BICC1: variants seen among roughly 807,000 people sequenced by gnomAD.
BICC1 encodes protein bicaudal C homolog 1.
Under a neutral mutation model 111.0 loss-of-function variants are expected in BICC1, and 43 were observed. The ratio of observed to expected loss-of-function variants is 0.39; its 90% CI spans 0.30 to 0.50. The LOEUF (loss-of-function observed/expected upper bound fraction) is 0.50, where lower values mean the gene tolerates loss of function less well. Ranked by LOEUF, BICC1 falls within the 20% of genes least tolerant of loss-of-function variation. The pLI, the probability that BICC1 is intolerant of heterozygous loss-of-function variation, is 0.88. For synonymous variants in BICC1, 467 were observed against 434.4 expected (o/e 1.07, Z -0.93); for missense variants, 1,091 against 1,203.2 (o/e 0.91, Z 1.38).
At chr10:58,553,964 G>C (rs1843370998) in intron 1 of BICC1, among the ~76,000 whole-genome samples, 1 of 152,008 alleles carries the variant, frequency 6.6e-6, no homozygotes, top group African/African-American at 2.4e-5. Flanking sequence ...GTGACTTATA[G>C]AACTAAAAAC....
chr10:58,527,548 G>C (rs1225755141), intron 1 of BICC1, among the ~76,000 whole-genome samples: 1 of 152,076 alleles, frequency 6.6e-6, no homozygotes, highest in Non-Finnish European at 1.5e-5. Context: ...GGCTTTTTAT[G>C]GTTTTAGGTC....
At position 58,676,935 on chromosome 10, in the gene BICC1, C is replaced by T. The variant is rs563682572; in HGVS notation, c.238-25139C>T. Among the ~76,000 whole-genome samples the T allele has an allele frequency of 2.6e-5, 4 of 152,308 alleles. No homozygotes were observed. In the South Asian group the frequency reaches 8.3e-4, roughly 32 times the overall value. The stretch of plus-strand genomic sequence containing the variant: ...GTCTGCAGTGGACCTCCAGCAAACA[C>T]CAGCAGGCCTGCAGAAGAGGGGCCT... On this transcript the variant is annotated intron_variant, in intron 2 of 20. Transcript: ENST00000373886.
intron 2 of BICC1, among the ~76,000 whole-genome samples, chr10:58,699,446 A>G (rs1840163795): frequency 6.6e-6 from 1 of 152,194 alleles, no homozygotes; most frequent in Non-Finnish European, 1.5e-5. Flanking sequence ...GTGCTTAATA[A>G]AATAAGTGTA....
At chr10:58,539,125 C>T (rs747371994) in intron 1 of BICC1, among the ~76,000 whole-genome samples, 6 of 151,490 alleles carry the variant, frequency 4.0e-5, no homozygotes, top group Non-Finnish European at 5.9e-5. Flanking sequence ...TGTAATGATA[C>T]GGAATCAACC....
chr10:58,735,169 C>T (rs935427837), intron 3 of BICC1, among the ~76,000 whole-genome samples: 1 of 152,202 alleles, frequency 6.6e-6, no homozygotes, highest in Non-Finnish European at 1.5e-5. Context: ...CATGTGTTAT[C>T]TATGATGTGA....
chr10:58,652,098 G>C (rs146838441), intron 2 of BICC1, among the ~76,000 whole-genome samples: 46 of 152,254 alleles, frequency 3.0e-4, no homozygotes, highest in African/African-American at 1.1e-3. Flanking sequence ...TGAGAAGCAA[G>C]AGACCTATTA....
At chr10:58,512,597 G>T, upstream of BICC1, among the ~76,000 whole-genome samples, 1 of 152,104 alleles carries the variant, frequency 6.6e-6, no homozygotes, top group Non-Finnish European at 1.5e-5. Flanking sequence ...GTGTAGACAG[G>T]AATTACGTGG....
chr10:58,737,871 C>T (rs184049978), intron 3 of BICC1, among the ~76,000 whole-genome samples: 11 of 152,266 alleles, frequency 7.2e-5, no homozygotes, highest in Non-Finnish European at 1.5e-5. Context: ...TGTCTTTTGG[C>T]TGCATAAATG....
At chr10:58,591,054 A>G (rs1209132911) in intron 1 of BICC1, among the ~76,000 whole-genome samples, 1 of 152,028 alleles carries the variant, frequency 6.6e-6, no homozygotes, top group Non-Finnish European at 1.5e-5. Context: ...TGGGAAATAG[A>G]CCTTCATTAG....
intron 1 of BICC1, among the ~76,000 whole-genome samples, chr10:58,615,447 G>A (rs769870481): frequency 7.9e-5 from 12 of 152,146 alleles, no homozygotes; most frequent in Non-Finnish European, 1.6e-4. Context: ...CACATGAGGC[G>A]CATTAGGTGT....
chr10:58,748,120 T>C (rs1172654168), intron 3 of BICC1, among the ~76,000 whole-genome samples: 1 of 152,160 alleles, frequency 6.6e-6, no homozygotes, highest in African/African-American at 2.4e-5. Context: ...CGTAGCTGGA[T>C]AAAAGACATA....
chr10:58,628,933 T>C (rs1052255341), intron 2 of BICC1, among the ~76,000 whole-genome samples: 1 of 152,226 alleles, frequency 6.6e-6, no homozygotes, highest in African/African-American at 2.4e-5. Flanking sequence ...GTTGTGCCTG[T>C]CACTCTAAGC....
chr10:58,751,320 T>C (rs542435572), intron 3 of BICC1, among the ~76,000 whole-genome samples: 1 of 152,340 alleles, frequency 6.6e-6, no homozygotes, highest in East Asian at 1.9e-4. Context: ...CACTGATCAC[T>C]GCCATTTCTT....
intron 3 of BICC1, among the ~76,000 whole-genome samples, chr10:58,707,378 C>T (rs1455691151): frequency 6.6e-6 from 1 of 151,990 alleles, no homozygotes; most frequent in East Asian, 1.9e-4. Context: ...AGAGGCATGG[C>T]AGGGCATGGC....
At chr10:58,782,676 A>C (rs1564610626) in intron 3 of BICC1, among the ~76,000 whole-genome samples, 2 of 152,126 alleles carry the variant, frequency 1.3e-5, no homozygotes, top group Admixed American at 6.6e-5. Context: ...AGCTCTTTAA[A>C]ACCTGATTGA....
At chr10:58,675,991 G>A (rs1210125172) in intron 2 of BICC1, among the ~76,000 whole-genome samples, 1 of 152,214 alleles carries the variant, frequency 6.6e-6, no homozygotes, top group African/African-American at 2.4e-5. Flanking sequence ...AGAGTGAGCA[G>A]AAGCAGGGTG....
At chr10:58,556,568 C>A (rs1003158379) in intron 1 of BICC1, among the ~76,000 whole-genome samples, 7 of 152,060 alleles carry the variant, frequency 4.6e-5, no homozygotes, top group African/African-American at 1.7e-4. Context: ...GCAGTTGATG[C>A]AGGCAGGCAG....
intron 1 of BICC1, among the ~76,000 whole-genome samples, chr10:58,555,818 A>G (rs777746044): frequency 1.3e-5 from 2 of 152,174 alleles, no homozygotes; most frequent in African/African-American, 4.8e-5. Flanking sequence ...CTGGAGAATC[A>G]AGTGAAATAT....
chr10:58,604,585 C>T (rs909589774), intron 1 of BICC1, among the ~76,000 whole-genome samples: 6 of 152,068 alleles, frequency 3.9e-5, no homozygotes, highest in African/African-American at 2.4e-5. Context: ...GGCGTGAACC[C>T]GGGAGGCAGA....
Sources: gnomAD v4.1 joint callset for allele counts (sites outside exome capture counted in the v4.1 genomes callset) on GRCh38, gnomAD v4.1.1 for gene constraint, MANE v1.5 for transcripts, NCBI Gene and HGNC (gene_info 2026-07-23, HGNC 2026-07-21) for gene names.